The following CHST11 variants were observed in gnomAD, a reference collection of about 807,000 sequenced individuals.
CHST11 encodes C4S-1.
CHST11 carries 9 observed loss-of-function variants against 30.4 expected under a neutral mutation model. The observed-to-expected ratio is 0.30, with a 90% CI of 0.18 to 0.52. The LOEUF (loss-of-function observed/expected upper bound fraction) is 0.52, where lower values mean the gene tolerates loss of function less well. Ranked by LOEUF, CHST11 falls within the 20% of genes least tolerant of loss-of-function variation. CHST11 has a pLI of 0.97. For synonymous variants in CHST11, 152 were observed against 187.8 expected (o/e 0.81, Z 1.56); for missense variants, 348 against 460.6 (o/e 0.76, Z 2.24).
chr12:104,709,944 C>T (rs1392512978), intron 2 of CHST11, among the ~76,000 whole-genome samples: 1 of 152,158 alleles, frequency 6.6e-6, no homozygotes, highest in Non-Finnish European at 1.5e-5. Flanking sequence ...TGCTTATAAT[C>T]CCAGCATTTT....
chr12:104,618,224 C>CT lies in CHST11; in HGVS notation c.204+16250dup, dbSNP rs1375360622. ...GCCTGGCTTCTTCTTCTTTTCTTTT[C>CT]TTTTTTTTTTTTTTTTTAAAGCAGG... is the stretch of plus-strand genomic sequence containing the variant. On this transcript the variant is annotated intron_variant, in intron 2 of 2. Transcript: ENST00000303694. Among the ~76,000 whole-genome samples, 82 of 73,392 alleles carry CT rather than the reference C, an allele frequency of 1.1e-3. 1 individual carries two copies. Among genetic ancestry groups the CT allele is most frequent in the African/African-American group, 1.6e-3 (32 of 19,564 alleles). The allele number at this position is 73,392 out of a possible 152,430, so 48.1% of individuals were successfully genotyped here.
At chr12:104,652,191 TAACA>T (rs1425645156) in intron 2 of CHST11, among the ~76,000 whole-genome samples, 1 of 152,234 alleles carries the variant, frequency 6.6e-6, no homozygotes, top group Non-Finnish European at 1.5e-5. Context: ...TAGTGTTGTT[TAACA>T]ATCATTTACA....
chr12:104,601,861 A>C lies in CHST11; in HGVS notation c.119-45A>C, dbSNP rs760874569. 2.7e-5 allele frequency: 41 copies of C among 1,498,508 alleles called. No homozygotes were observed. The South Asian group carries it at 4.1e-4, about 15-fold the overall frequency. The allele number at this position is 1,498,508 out of a possible 1,614,324, so 92.8% of individuals were successfully genotyped here. On this transcript the variant is annotated intron_variant, in intron 1 of 2. Transcript: ENST00000303694. ...TGCCTTTTTCTTTGACAGACAACAA[A>C]TCTTTGTTGCTCATTTCTGATGAGC... is the stretch of plus-strand genomic sequence containing the variant.
intron 2 of CHST11, among the ~76,000 whole-genome samples, chr12:104,706,931 A>T (rs1401583146): frequency 6.6e-6 from 1 of 152,152 alleles, no homozygotes; most frequent in Non-Finnish European, 1.5e-5. Context: ...GATCACAGCG[A>T]GGCTCTGAAT....
intron 2 of CHST11, among the ~76,000 whole-genome samples, chr12:104,604,365 C>A (rs1467823149): frequency 6.6e-6 from 1 of 152,156 alleles, no homozygotes; most frequent in African/African-American, 2.4e-5. Flanking sequence ...TAGCCAGCAA[C>A]CAGGGAAATG....
intron 2 of CHST11, among the ~76,000 whole-genome samples, chr12:104,754,880 C>T (rs918375869): frequency 3.3e-5 from 5 of 152,164 alleles, no homozygotes; most frequent in African/African-American, 9.7e-5. Flanking sequence ...TATAGTTCAG[C>T]GTGTTGCTGG....
intron 2 of CHST11, among the ~76,000 whole-genome samples, chr12:104,632,276 G>T (rs1002373813): frequency 6.6e-6 from 1 of 152,144 alleles, no homozygotes; most frequent in South Asian, 2.1e-4. Flanking sequence ...CGCAAGCAGA[G>T]GTGTAGTGGG....
At chr12:104,533,779 G>C (rs752759077) in intron 1 of CHST11, among the ~76,000 whole-genome samples, 1 of 152,306 alleles carries the variant, frequency 6.6e-6, no homozygotes, top group East Asian at 1.9e-4. Flanking sequence ...CAATCAATAA[G>C]CAATGAAAAG....
intron 1 of CHST11, among the ~76,000 whole-genome samples, chr12:104,515,992 T>A (rs984040641): frequency 6.6e-6 from 1 of 152,220 alleles, no homozygotes; most frequent in African/African-American, 2.4e-5. Context: ...TTTAAAAAAA[T>A]TATTTTATCT....
At chr12:104,723,717 C>T (rs1392669645) in intron 2 of CHST11, among the ~76,000 whole-genome samples, 1 of 152,156 alleles carries the variant, frequency 6.6e-6, no homozygotes, top group Non-Finnish European at 1.5e-5. Flanking sequence ...TTACTGTGAC[C>T]CTAAGTGGCC....
intron 1 of CHST11, among the ~76,000 whole-genome samples, chr12:104,559,505 G>A (rs1299337186): frequency 1.3e-5 from 2 of 152,232 alleles, no homozygotes; most frequent in East Asian, 3.8e-4. Context: ...CACTTTGGGA[G>A]GCCAAGGCAG....
At chr12:104,694,654 A>G (rs899949999) in intron 2 of CHST11, among the ~76,000 whole-genome samples, 1 of 152,236 alleles carries the variant, frequency 6.6e-6, no homozygotes, top group African/African-American at 2.4e-5. Flanking sequence ...TTACTTCAAT[A>G]AAGTGAAGCA....
intron 1 of CHST11, among the ~76,000 whole-genome samples, chr12:104,461,266 G>T (rs1361313271): frequency 6.6e-6 from 1 of 152,180 alleles, no homozygotes; most frequent in Non-Finnish European, 1.5e-5. Context: ...GGTTGGTCTT[G>T]TTTAGCCACT....
intron 1 of CHST11, among the ~76,000 whole-genome samples, chr12:104,487,728 AT>A (rs11442051): frequency 2.3e-3 from 335 of 147,360 alleles, no homozygotes; most frequent in Non-Finnish European, 2.4e-3. Context: ...GTATGTACCT[AT>A]TTTTTTTTTT....
intron 2 of CHST11, among the ~76,000 whole-genome samples, chr12:104,736,285 G>C (rs552812394): frequency 1.3e-5 from 2 of 152,124 alleles, no homozygotes; most frequent in Non-Finnish European, 2.9e-5. Context: ...ACTGCCCTGC[G>C]TGTGGCATGT....
chr12:104,623,345 A>G (rs1043633000), intron 2 of CHST11, among the ~76,000 whole-genome samples: 1 of 152,224 alleles, frequency 6.6e-6, no homozygotes, highest in Non-Finnish European at 1.5e-5. Context: ...ACTGTAAAGT[A>G]CCGTGCCTGA....
chr12:104,544,705 TAAA>T (rs755404934), intron 1 of CHST11, among the ~76,000 whole-genome samples: 3 of 93,188 alleles, frequency 3.2e-5, no homozygotes, highest in African/African-American at 7.5e-5. Flanking sequence ...AGACTTGGTC[TAAA>T]AAAAAAAAAA....
At chr12:104,731,064 C>T (rs553489206) in intron 2 of CHST11, among the ~76,000 whole-genome samples, 2 of 152,354 alleles carry the variant, frequency 1.3e-5, no homozygotes, top group East Asian at 3.9e-4. Flanking sequence ...CTTCCTCAGG[C>T]CAGTCCTGGC....
rs1447248776 is a variant in CHST11 at position 104,757,743 on chromosome 12, C to G, written c.999C>G (p.Val333=). Reference sequence around the variant, plus strand: ...AGCACCAAACGCAGCTGTACGAAGTCTACAAACTCGATTTTTTAATGTTCA... The same window carrying G: ...AGCACCAAACGCAGCTGTACGAAGTGTACAAACTCGATTTTTTAATGTTCA... ...SSEHQTQLYE[V]YKLDFLMFNY... is the part of the protein sequence containing the mutation. Residue 333 remains valine (V), a synonymous_variant, in exon 3 of 3, where the codon GTC becomes GTG. Coordinates refer to ENST00000303694, the MANE Select transcript of CHST11 (RefSeq NM_018413.6). The surrounding 1 kb of genome is among the most constrained non-coding windows in gnomAD (Gnocchi z 6.5). 6.2e-7 allele frequency: 1 copy of G among 1,614,038 alleles called. No homozygotes were observed. Among genetic ancestry groups the G allele is most frequent in the African/African-American group, 1.3e-5 (1 of 74,922 alleles).
Sources: gnomAD v4.1 joint callset for allele counts (sites outside exome capture counted in the v4.1 genomes callset) on GRCh38, gnomAD v4.1.1 for gene constraint, Gnocchi (gnomAD v3.1) non-coding constraint, MANE v1.5 for transcripts, NCBI Gene and HGNC (gene_info 2026-07-23, HGNC 2026-07-21) for gene names.